ROBO1: variants seen among roughly 807,000 people sequenced by gnomAD.
The protein encoded by ROBO1 is roundabout guidance receptor 1, also known as roundabout homolog 1.
ROBO1 carries 149 observed loss-of-function variants against 195.9 expected under a neutral mutation model. The ratio of observed to expected loss-of-function variants is 0.76; its 90% CI spans 0.67 to 0.87. The LOEUF is 0.87. Among genes scored for constraint, ROBO1 ranks in the 40% least tolerant of loss-of-function variants. The pLI, the probability that ROBO1 is intolerant of heterozygous loss-of-function variation, is 0.00. For synonymous variants in ROBO1, 816 were observed against 733.2 expected, an observed-to-expected ratio of 1.11 and a Z score of -1.82; for missense variants, 1,933 against 2,068.3, an observed-to-expected ratio of 0.93 and a Z score of 1.27.
intron 1 of ROBO1, among the ~76,000 whole-genome samples, chr3:79,619,075 C>T (rs1226042837): frequency 1.3e-5 from 2 of 152,208 alleles, no homozygotes; most frequent in East Asian, 3.9e-4. Context: ...TCATCATTCA[C>T]CCACATTCCA....
rs2032092788 is a variant in ROBO1, at chr3:79,289,333, A to G, written c.89-163794T>C. On this transcript the variant is annotated intron_variant, in intron 2 of 30. Transcript: ENST00000464233. ...AGGCCATAGTAATTAGCATTAAAACAGTAAAATAGCAAACCACTAGCCAGA... is the reference window on the plus strand; with the variant it reads ...AGGCCATAGTAATTAGCATTAAAACGGTAAAATAGCAAACCACTAGCCAGA... 2.0e-5 allele frequency among the ~76,000 whole-genome samples: 3 copies of G among 152,216 alleles called. No individual in the cohort carries two copies. In the South Asian group the frequency reaches 6.2e-4, roughly 32 times the overall value.
intron 4 of ROBO1, among the ~76,000 whole-genome samples, chr3:78,860,131 GTAGATAGGTAGA>G (rs2034710908): frequency 7.6e-6 from 1 of 131,716 alleles, no homozygotes; most frequent in South Asian, 2.4e-4. Flanking sequence ...ACATAGGTAG[GTAGATAGGTAGA>G]TAGATAGATA....
intron 3 of ROBO1, among the ~76,000 whole-genome samples, chr3:79,058,583 C>G (rs546368569): frequency 6.6e-6 from 1 of 152,162 alleles, no homozygotes; most frequent in East Asian, 1.9e-4. Flanking sequence ...TACCTCCAAC[C>G]TGACTGTTCC....
intron 2 of ROBO1, among the ~76,000 whole-genome samples, chr3:79,209,589 A>C (rs1294496621): frequency 6.6e-6 from 1 of 152,172 alleles, no homozygotes; most frequent in East Asian, 1.9e-4. Context: ...ACTGTTTTCC[A>C]TAGTGGTTGT....
intron 2 of ROBO1, among the ~76,000 whole-genome samples, chr3:79,128,172 T>C (rs1218657846): frequency 6.6e-6 from 1 of 152,184 alleles, no homozygotes; most frequent in Non-Finnish European, 1.5e-5. Context: ...GAAGAGACTA[T>C]TGTGTGTTTA....
At chr3:79,429,313 T>C (rs2038578652) in intron 2 of ROBO1, among the ~76,000 whole-genome samples, 3 of 152,068 alleles carry the variant, frequency 2.0e-5, no homozygotes, top group Admixed American at 2.0e-4. Context: ...ACAAAGTTCA[T>C]GGGTATTCCT....
At chr3:79,325,698 T>C (rs935269549) in intron 2 of ROBO1, among the ~76,000 whole-genome samples, 2 of 152,202 alleles carry the variant, frequency 1.3e-5, no homozygotes, top group Non-Finnish European at 2.9e-5. Flanking sequence ...TGGACACTTA[T>C]CACTTCCCCA....
chr3:79,058,998 A>G (rs1255196919), intron 3 of ROBO1, among the ~76,000 whole-genome samples: 1 of 152,128 alleles, frequency 6.6e-6, no homozygotes, highest in Non-Finnish European at 1.5e-5. Context: ...CCAAATGTGG[A>G]ATTCTCAACA....
intron 26 of ROBO1, among the ~76,000 whole-genome samples, chr3:78,625,548 G>C (rs1704709006): frequency 6.6e-6 from 1 of 152,176 alleles, no homozygotes; most frequent in Admixed American, 6.5e-5. Context: ...CCTGGGTAAA[G>C]AAATTCGATA....
At chr3:79,206,307 T>C (rs1030891179) in intron 2 of ROBO1, among the ~76,000 whole-genome samples, 2 of 152,180 alleles carry the variant, frequency 1.3e-5, no homozygotes, top group Non-Finnish European at 2.9e-5. Flanking sequence ...ATTTGGCATA[T>C]CCAAATTGCC....
At chr3:78,981,438 A>G (rs2076987923) in intron 3 of ROBO1, among the ~76,000 whole-genome samples, 1 of 152,126 alleles carries the variant, frequency 6.6e-6, no homozygotes. Flanking sequence ...TTAAATACTG[A>G]ACTTCTTGTT....
In ROBO1 at chr3:78,635,938, G is replaced by T. The variant is rs748503454; in HGVS notation, c.3208C>A (p.Pro1070Thr). 6.2e-7 allele frequency: 1 copy of T among 1,613,932 alleles called. No homozygotes were observed. The highest frequency in any genetic ancestry group is 8.5e-7 in the Non-Finnish European group (1 of 1,179,840). ...DGRFVNPSGQ[P>T]TPYATTQLIQ... ...AGCTGAGTGGTGGCGTAAGGAGTAG[G>T]CTGCCCTGATGGATTGACAAAACGC... Residue 1070 changes from proline to threonine, a missense_variant, in exon 23 of 31, where the codon CCT becomes ACT. Physicochemically the swap from Pro to Thr is conservative, Grantham distance 38. Around this residue, in one of 3 missense-constraint regions of ROBO1, gnomAD observed 1,737 missense variants for 1,882.5 expected, o/e 0.92. Coordinates refer to ENST00000464233, the MANE Select transcript of ROBO1 (RefSeq NM_002941.4).
intron 2 of ROBO1, among the ~76,000 whole-genome samples, chr3:79,428,891 AAAT>A (rs1222802670): frequency 6.6e-6 from 1 of 152,156 alleles, no homozygotes; most frequent in Non-Finnish European, 1.5e-5. Flanking sequence ...ACTGATTGAA[AAAT>A]GTAATTGATA....
chr3:79,667,279 T>G (rs1200914960), intron 1 of ROBO1, among the ~76,000 whole-genome samples: 2 of 151,940 alleles, frequency 1.3e-5, no homozygotes, highest in Non-Finnish European at 2.9e-5. Context: ...TCCAGAGATA[T>G]GATATGAATA....
At chr3:79,011,355 G>GA (rs2108211914) in intron 3 of ROBO1, among the ~76,000 whole-genome samples, 1 of 152,198 alleles carries the variant, frequency 6.6e-6, no homozygotes, top group African/African-American at 2.4e-5. Context: ...CACCATTAGT[G>GA]AAAAAAGAAA....
chr3:78,784,075 G>C (rs774899796), intron 4 of ROBO1, among the ~76,000 whole-genome samples: 21 of 151,994 alleles, frequency 1.4e-4, no homozygotes, highest in Non-Finnish European at 2.9e-4. Flanking sequence ...TTAAATAATA[G>C]ATTTATAATT....
chr3:79,762,097 A>C (rs539039374), intron 1 of ROBO1, among the ~76,000 whole-genome samples: 65 of 152,324 alleles, frequency 4.3e-4, no homozygotes, highest in African/African-American at 1.5e-3. Flanking sequence ...GCTACAACAA[A>C]GTGCTATGGA....
intron 1 of ROBO1, among the ~76,000 whole-genome samples, chr3:79,672,287 C>G (rs908868691): frequency 1.3e-5 from 2 of 151,876 alleles, no homozygotes. Context: ...TTTAACCTTA[C>G]CAGTGACACA....
intron 14 of ROBO1, among the ~76,000 whole-genome samples, chr3:78,667,212 C>T (rs115045057): frequency 0.011 from 1,606 of 151,876 alleles, 36 homozygotes; most frequent in African/African-American, 0.037. Flanking sequence ...GATTGTACAC[C>T]TACATGTTAC....
Sources: allele counts gnomAD v4.1 joint callset (sites outside exome capture counted in the v4.1 genomes callset), GRCh38; gene constraint gnomAD v4.1.1; regional missense constraint gnomAD v4.1.1; transcripts MANE v1.5; gene names NCBI Gene and HGNC (gene_info 2026-07-23, HGNC 2026-07-21).